Variants in FREM3 observed in about 807,000 individuals in gnomAD.
The protein encoded by FREM3 is FRAS1-related extracellular matrix protein 3.
In FREM3, 105 loss-of-function variants were observed where a neutral mutation model predicts 129.1. The observed-to-expected ratio is 0.81, with a 90% CI of 0.69 to 0.96. The LOEUF (loss-of-function observed/expected upper bound fraction) is 0.96, where lower values mean the gene tolerates loss of function less well. Among genes scored for constraint, FREM3 ranks in the 40% least tolerant of loss-of-function variants. The pLI, the probability that FREM3 is intolerant of heterozygous loss-of-function variation, is 0.00. For synonymous variants in FREM3, 1,014 were observed against 1,044.9 expected, an observed-to-expected ratio of 0.97 and a Z score of 0.57; for missense variants, 2,593 against 2,666.3, an observed-to-expected ratio of 0.97 and a Z score of 0.61.
At chr4:143,660,154 G>C (rs1440004314) in intron 2 of FREM3, among the ~76,000 whole-genome samples, 17 of 150,756 alleles carry the variant, frequency 1.1e-4, no homozygotes, top group Admixed American at 1.1e-3. Flanking sequence ...TGAAGTCCTT[G>C]CCCATGCCTA....
At position 143,699,703 on chromosome 4, in the gene FREM3, G is replaced by A; in HGVS notation, c.973C>T (p.Leu325=). The change falls in exon 1 of 8, where the codon CTG becomes TTG. Residue 325 remains leucine (L), a synonymous_variant. Transcript: ENST00000329798. The surrounding 1 kb of genome is among the most constrained non-coding windows in gnomAD (Gnocchi z 4.2). ...TCCGCGGCCAGTGCGTCAGGCGTCAGGGCTGTCAGCACCAGTGGATCCACC... is the reference window on the plus strand; with the variant it reads ...TCCGCGGCCAGTGCGTCAGGCGTCAAGGCTGTCAGCACCAGTGGATCCACC... The part of the protein sequence containing the change: ...MEVDPLVLTA[L]TPDALAAEDV... The A allele has an allele frequency of 1.3e-6, 2 of 1,522,008 alleles. No individual in the cohort carries two copies. The highest frequency in any genetic ancestry group is 2.5e-5 in the East Asian group (1 of 40,778). 94.3% of individuals were successfully genotyped at this position (1,522,008 alleles called of 1,614,324 possible).
Position 143,695,603 on chromosome 4 carries a change from T to A in FREM3, c.5073A>T (p.Glu1691Asp). ...FLITSKSLKA[E>D]DQDSPHRLLK... ...GAAGCCTGTGGGGACTGTCCTGATC[T>A]TCTGCCTTCAGAGACTTGCTGGTAA... Residue 1691 changes from glutamate (E) to aspartate (D), a missense_variant, in exon 1 of 8, where the codon GAA becomes GAT. Coordinates refer to ENST00000329798, the MANE Select transcript of FREM3 (RefSeq NM_001168235.2). 2.0e-6 allele frequency: 3 copies of A among 1,537,360 alleles called. No homozygotes were observed. The highest frequency in any genetic ancestry group is 2.6e-6 in the Non-Finnish European group (3 of 1,146,936).
At chr4:143,682,385 C>T (rs546822993) in intron 2 of FREM3, among the ~76,000 whole-genome samples, 4 of 152,298 alleles carry the variant, frequency 2.6e-5, no homozygotes, top group East Asian at 3.9e-4. Context: ...CTTCACTCCC[C>T]GCACTGAATG....
chr4:143,644,410 TAAG>T (rs1323271551), intron 2 of FREM3, among the ~76,000 whole-genome samples: 2 of 152,196 alleles, frequency 1.3e-5, no homozygotes, highest in Non-Finnish European at 2.9e-5. Context: ...TATCTAATAA[TAAG>T]CATCCACGAA....
At chr4:143,627,539 T>G (rs1739062078) in intron 3 of FREM3, 75 bp downstream of exon 3, 2 of 1,201,202 alleles carry the variant, frequency 1.7e-6, no homozygotes, top group East Asian at 5.1e-5. Context: ...TCAGTATACT[T>G]TCTTGTAATT....
intron 2 of FREM3, among the ~76,000 whole-genome samples, chr4:143,656,258 A>G (rs1739598483): frequency 6.6e-6 from 1 of 152,132 alleles, no homozygotes; most frequent in Non-Finnish European, 1.5e-5. Flanking sequence ...ATGACAGCAG[A>G]TATCAAGTCC....
rs553537138 is a variant in FREM3 at position 143,595,805 on chromosome 4, G to A, written c.6029-9812C>T. Among the ~76,000 whole-genome samples, 608 of 151,558 alleles carry A rather than the reference G, an allele frequency of 4.0e-3. 4 individuals are homozygous for A. Among genetic ancestry groups the A allele is most frequent in the African/African-American group, 0.014 (586 of 41,220 alleles). ...TGGGAGGCTGAGGCAGAAGAATGGC[G>A]TGAACCTGGGAGGCAGAGCTTGCAG... On this transcript the variant is annotated intron_variant, in intron 6 of 7. Transcript: ENST00000329798.
At position 143,696,533 on chromosome 4, in the gene FREM3, G is replaced by C. The variant is rs544613880; in HGVS notation, c.4143C>G (p.Asn1381Lys). ...LGMNFTQDEI[N>K]RGLICYIHTG... ...TGTGGATATAGCAGATGAGGCCTCT[G>C]TTAATCTCATCCTGGGTAAAGTTCA... Residue 1381 changes from asparagine to lysine, a missense_variant, in exon 1 of 8, where the codon AAC becomes AAG. Around this residue, in one of 2 missense-constraint regions of FREM3, gnomAD observed 2,276 missense variants for 2,267.2 expected, o/e 1.00. Coordinates refer to ENST00000329798, the MANE Select transcript of FREM3 (RefSeq NM_001168235.2). The C allele has an allele frequency of 1.3e-6, 2 of 1,537,424 alleles. No homozygotes were observed. The highest frequency in any genetic ancestry group is 1.2e-5 in the South Asian group (1 of 84,058).
At chr4:143,625,551 A>G (rs7679078) in intron 3 of FREM3, among the ~76,000 whole-genome samples, 17,144 of 152,196 alleles carry the variant, frequency 0.11, 2,880 homozygotes, top group African/African-American at 0.37. Context: ...TGAATGTCCA[A>G]TATTTAGGAA....
chr4:143,698,076 A>C lies in FREM3; in HGVS notation c.2600T>G (p.Ile867Arg). 1 of 1,537,380 alleles carries C rather than the reference A, an allele frequency of 6.5e-7. No individual in the cohort carries two copies. The highest frequency in any genetic ancestry group is 1.2e-5 in the South Asian group (1 of 84,062). The change falls in exon 1 of 8, where the codon ATA becomes AGA. Residue 867 changes from isoleucine to arginine, a missense_variant. This residue lies in a region of FREM3 where 2,276 missense variants were observed against 2,267.2 expected (regional missense o/e 1.00). Coordinates refer to ENST00000329798, the MANE Select transcript of FREM3 (RefSeq NM_001168235.2). ...TCCATGTTGGGGACCCCGGACTAAT[A>C]TGAAGACAATTTGGTCAATGTCTGT... ...PDTDIDQIVFILVRGPQHGHL... is the reference protein window; with the variant it reads ...PDTDIDQIVFRLVRGPQHGHL...
chr4:143,589,673 G>A (rs1212120382), intron 6 of FREM3, among the ~76,000 whole-genome samples: 5 of 152,272 alleles, frequency 3.3e-5, no homozygotes, highest in African/African-American at 4.8e-5. Flanking sequence ...GTCAGGTAGC[G>A]TGATGCCTGC....
chr4:143,687,098 T>A (rs146167467), intron 2 of FREM3, among the ~76,000 whole-genome samples: 6 of 152,094 alleles, frequency 3.9e-5, no homozygotes, highest in African/African-American at 1.4e-4. Flanking sequence ...GATAGACCAT[T>A]GGCAAGACTA....
chr4:143,663,488 C>T (rs979973484), intron 2 of FREM3, among the ~76,000 whole-genome samples: 4 of 152,084 alleles, frequency 2.6e-5, no homozygotes, highest in African/African-American at 9.7e-5. Flanking sequence ...TGTGGGTAAC[C>T]CGACCTTGCT....
intron 2 of FREM3, among the ~76,000 whole-genome samples, chr4:143,680,179 A>G (rs1375401028): frequency 3.3e-5 from 5 of 151,632 alleles, no homozygotes; most frequent in Non-Finnish European, 7.4e-5. Flanking sequence ...TTATAAACCT[A>G]TCTTAACATC....
In FREM3 at chr4:143,688,654, G is replaced by A. The variant is rs185004403; in HGVS notation, c.5275+4459C>T. On this transcript the variant is annotated intron_variant, in intron 2 of 7. Transcript: ENST00000329798. The stretch of plus-strand genomic sequence containing the variant: ...ATAAGGCCATAGTCACTAATACGGC[G>A]TGGTACTGGTACAAAAATAGGCACA... Among the ~76,000 whole-genome samples, 36 of 152,154 alleles carry A rather than the reference G, an allele frequency of 2.4e-4. 1 individual carries two copies. The highest frequency in any genetic ancestry group is 3.6e-4 in the African/African-American group (15 of 41,532).
At chr4:143,673,711 A>G (rs28876822) in intron 2 of FREM3, among the ~76,000 whole-genome samples, 274 of 152,376 alleles carry the variant, frequency 1.8e-3, no homozygotes, top group African/African-American at 5.7e-3. Context: ...AGAGGCAGGC[A>G]GGCCTCCTTG....
chr4:143,641,645 C>T (rs777515332), intron 2 of FREM3, among the ~76,000 whole-genome samples: 1 of 152,188 alleles, frequency 6.6e-6, no homozygotes, highest in African/African-American at 2.4e-5. Flanking sequence ...TTGGCCAACA[C>T]TTATCAGGCT....
chr4:143,611,796 G>A (rs1738761044), intron 5 of FREM3, among the ~76,000 whole-genome samples: 1 of 152,168 alleles, frequency 6.6e-6, no homozygotes, highest in African/African-American at 2.4e-5. Flanking sequence ...CAAGATCACA[G>A]GATGCTAGGG....
chr4:143,618,828 T>G (rs1228398653), intron 5 of FREM3, among the ~76,000 whole-genome samples: 2 of 152,090 alleles, frequency 1.3e-5, no homozygotes, highest in African/African-American at 2.4e-5. Context: ...CCCAGGAGTT[T>G]GATCCTGCAG....
Sources: allele counts gnomAD v4.1 joint callset (sites outside exome capture counted in the v4.1 genomes callset), GRCh38; gene constraint gnomAD v4.1.1; regional missense constraint gnomAD v4.1.1; non-coding constraint Gnocchi (gnomAD v3.1); transcripts MANE v1.5; gene names NCBI Gene and HGNC (gene_info 2026-07-23, HGNC 2026-07-21).